LMX1A: variants seen among roughly 807,000 people sequenced by gnomAD.
The protein encoded by LMX1A is LIM homeobox transcription factor 1 alpha.
Under a neutral mutation model 49.1 loss-of-function variants are expected in LMX1A, and 15 were observed. The ratio of observed to expected loss-of-function variants is 0.31; its 90% CI spans 0.20 to 0.47. The LOEUF (loss-of-function observed/expected upper bound fraction) is 0.47, where lower values mean the gene tolerates loss of function less well. LMX1A is among the 20% of genes least tolerant of loss of function. LMX1A has a pLI of 1.00. For synonymous variants in LMX1A, 167 were observed against 185.7 expected (o/e 0.90, Z 0.82); for missense variants, 372 against 475.8 (o/e 0.78, Z 2.03).
chr1:165,206,084 G>C, intron 7 of LMX1A, 50 bp from the exon 8 acceptor site: 1 of 1,466,310 alleles, frequency 6.8e-7, no homozygotes, highest in Admixed American at 2.4e-5. Context: ...AGCCTGGCAT[G>C]TGATTTCCCT....
chr1:165,337,888 C>CTGTGTGTGTGTGTGTG (rs6143463), intron 3 of LMX1A, among the ~76,000 whole-genome samples: 3,226 of 147,002 alleles, frequency 0.022, 72 homozygotes, highest in African/African-American at 0.045. Flanking sequence ...GTGTGTGTTT[C>CTGTGTGTGTGTGTGTG]TGTGTGTGTG....
At chr1:165,269,270 C>A (rs796489191) in intron 3 of LMX1A, among the ~76,000 whole-genome samples, 2 of 152,204 alleles carry the variant, frequency 1.3e-5, no homozygotes, top group African/African-American at 4.8e-5. Context: ...GGTTTGTTTG[C>A]GCAGAGCCTG....
rs544175125 is a variant in LMX1A at position 165,226,943 on chromosome 1, T to G, written c.497-13130A>C. On this transcript the variant is annotated intron_variant, in intron 4 of 8. Transcript: ENST00000342310. ...TGTGAACAAGGCAGAGTCCCTGCCTTCATCACAGTCTGGTGGAGGAGAAGA... is the reference window on the plus strand; with the variant it reads ...TGTGAACAAGGCAGAGTCCCTGCCTGCATCACAGTCTGGTGGAGGAGAAGA... Among the ~76,000 whole-genome samples the G allele has an allele frequency of 5.9e-5, 9 of 152,292 alleles. No homozygotes were observed. In the East Asian group the frequency reaches 1.7e-3, roughly 29 times the overall value.
At chr1:165,265,120 C>T (rs1163343799) in intron 3 of LMX1A, among the ~76,000 whole-genome samples, 4 of 147,524 alleles carry the variant, frequency 2.7e-5, no homozygotes, top group African/African-American at 7.5e-5. Context: ...AGGAGAATGG[C>T]GGGAACCCAG....
chr1:165,223,727 GA>G (rs1202871919), intron 4 of LMX1A, among the ~76,000 whole-genome samples: 1 of 151,204 alleles, frequency 6.6e-6, no homozygotes, highest in East Asian at 1.9e-4. Flanking sequence ...ATTCAAACAA[GA>G]AGACAATTTT....
intron 3 of LMX1A, among the ~76,000 whole-genome samples, chr1:165,317,352 G>A (rs1034365650): frequency 4.6e-5 from 7 of 152,180 alleles, no homozygotes; most frequent in Non-Finnish European, 8.8e-5. Context: ...TATAAAGGAG[G>A]CAGCAGGATG....
In LMX1A at chr1:165,249,579, G is replaced by T. The variant is rs780166203; in HGVS notation, c.325C>A (p.Arg109=). The change falls in exon 4 of 9, where the codon CGG becomes AGG. Residue 109 remains arginine, a synonymous_variant. Coordinates refer to ENST00000342310, the MANE Select transcript of LMX1A (RefSeq NM_177398.4). The part of the protein sequence containing the change: ...EAIAPNEFVM[R]AQKSVYHLSC... ...AGGTGGTATACACTCTTCTGGGCCC[G>T]CATAACAAACTCATTGGGAGCGATG... 2.5e-6 allele frequency: 4 copies of T among 1,614,038 alleles called. No individual in the cohort carries two copies. The highest frequency in any genetic ancestry group is 2.2e-5 in the South Asian group (2 of 91,084).
At chr1:165,285,208 C>CCATAG (rs1442794081) in intron 3 of LMX1A, among the ~76,000 whole-genome samples, 5 of 152,106 alleles carry the variant, frequency 3.3e-5, no homozygotes, top group Admixed American at 3.3e-4. Flanking sequence ...TAGTTTTGGC[C>CCATAG]CATAGCACAC....
At chr1:165,272,545 C>A (rs1363230468) in intron 3 of LMX1A, among the ~76,000 whole-genome samples, 1 of 152,158 alleles carries the variant, frequency 6.6e-6, no homozygotes, top group Non-Finnish European at 1.5e-5. Flanking sequence ...AGAGTGTGCA[C>A]CCCTCTATCA....
At chr1:165,310,717 T>C (rs1409417856) in intron 3 of LMX1A, among the ~76,000 whole-genome samples, 2 of 152,342 alleles carry the variant, frequency 1.3e-5, no homozygotes, top group South Asian at 4.1e-4. Flanking sequence ...CTGGTTTATT[T>C]GAGGTGTGGG....
intron 3 of LMX1A, among the ~76,000 whole-genome samples, chr1:165,280,463 G>T (rs777931216): frequency 6.6e-6 from 1 of 152,158 alleles, no homozygotes; most frequent in Non-Finnish European, 1.5e-5. Flanking sequence ...AGCATTCAGG[G>T]ATTCACCTCT....
intron 3 of LMX1A, among the ~76,000 whole-genome samples, chr1:165,282,675 C>T (rs978981175): frequency 3.9e-5 from 6 of 152,114 alleles, no homozygotes; most frequent in Admixed American, 3.3e-4. Flanking sequence ...CACTCATTCA[C>T]GTGGCAGTTA....
At chr1:165,241,775 CAG>C in intron 4 of LMX1A, among the ~76,000 whole-genome samples, 1 of 152,180 alleles carries the variant, frequency 6.6e-6, no homozygotes, top group African/African-American at 2.4e-5. Flanking sequence ...ATTTACAAGA[CAG>C]GGTAGATGAA....
At position 165,213,744 on chromosome 1, in the gene LMX1A, C is replaced by T. The variant is rs1256424146; in HGVS notation, c.566G>A (p.Gly189Asp). The T allele has an allele frequency of 1.2e-6, 2 of 1,614,192 alleles. No individual in the cohort carries two copies. Among genetic ancestry groups the T allele is most frequent in the African/African-American group, 1.3e-5 (1 of 75,060 alleles). Residue 189 changes from glycine (G) to aspartate (D), a missense_variant, in exon 5 of 9, where the codon GGC (glycine) becomes GAC (aspartate). Physicochemically the swap from Gly to Asp is moderately conservative, Grantham distance 94. Transcript: ENST00000342310. ...ACGTTTGGGGCGCTTATGGTCCTTG[C>T]CTTCCTCAGCAGTTCCTTTCCCTGC... is the stretch of plus-strand genomic sequence containing the variant. Reference protein sequence around the residue: ...HGAGKGTAEEGKDHKRPKRPR... With the variant: ...HGAGKGTAEEDKDHKRPKRPR...
chr1:165,247,054 C>CTTT (rs71097567), intron 4 of LMX1A, among the ~76,000 whole-genome samples: 2,921 of 53,096 alleles, frequency 0.055, 772 homozygotes, highest in East Asian at 0.18. Flanking sequence ...TCAGCTTTTT[C>CTTT]TTTTTTTTTT....
chr1:165,241,898 G>A (rs957304755), intron 4 of LMX1A, among the ~76,000 whole-genome samples: 10 of 152,298 alleles, frequency 6.6e-5, no homozygotes, highest in South Asian at 4.1e-4. Context: ...AGAAAGAGAC[G>A]TATTACACAA....
intron 3 of LMX1A, among the ~76,000 whole-genome samples, chr1:165,266,610 T>TTTTG: frequency 7.2e-6 from 1 of 138,872 alleles, no homozygotes; most frequent in African/African-American, 2.7e-5. Context: ...TTTTTTTTTT[T>TTTTG]TTTTTTTTTG....
At chr1:165,344,166 G>A (rs1450870488) in intron 3 of LMX1A, among the ~76,000 whole-genome samples, 1 of 152,226 alleles carries the variant, frequency 6.6e-6, no homozygotes, top group African/African-American at 2.4e-5. Flanking sequence ...AGGGAAAAGA[G>A]GAGTGCAATC....
At chr1:165,329,836 T>C (rs79175350) in intron 3 of LMX1A, among the ~76,000 whole-genome samples, 2,779 of 152,286 alleles carry the variant, frequency 0.018, 89 homozygotes, top group African/African-American at 0.064. Flanking sequence ...ATCAAAAATG[T>C]TATTATTAGG....
Sources: allele counts gnomAD v4.1 joint callset (sites outside exome capture counted in the v4.1 genomes callset), GRCh38; gene constraint gnomAD v4.1.1; transcripts MANE v1.5; gene names NCBI Gene and HGNC (gene_info 2026-07-23, HGNC 2026-07-21).